C1orf167: variants seen among roughly 807,000 people sequenced by gnomAD.
C1orf167 encodes uncharacterized protein C1orf167.
A neutral mutation model predicts 176.5 loss-of-function variants in C1orf167; 153 were observed. The observed-to-expected ratio is 0.87, with a 90% CI of 0.76 to 0.99. The LOEUF is 0.99. C1orf167 is among the 50% of genes least tolerant of loss of function. The pLI is 0.00. For missense variants in C1orf167, 1,490 were observed against 1,817.7 expected (o/e 0.82, Z 3.28); for synonymous variants, 594 against 752.7 (o/e 0.79, Z 3.45).
At position 11,787,493 on chromosome 1, in the gene C1orf167, A is replaced by G; in HGVS notation, c.3673A>G (p.Arg1225Gly). The G allele has an allele frequency of 7.7e-7, 1 of 1,300,478 alleles. No individual in the cohort carries two copies. The highest frequency in any genetic ancestry group is 1.2e-5 in the South Asian group (1 of 80,692). The allele number at this position is 1,300,478 out of a possible 1,614,324, so 80.6% of individuals were successfully genotyped here. The change falls in exon 17 of 21, where the codon AGG (arginine) becomes GGG (glycine). Residue 1225 changes from arginine (R) to glycine (G), a missense_variant and splice_region_variant. Arg to Gly is a moderately radical substitution (Grantham distance 125). Coordinates refer to ENST00000688073, the MANE Select transcript of C1orf167 (RefSeq NM_001010881.2). The stretch of plus-strand genomic sequence containing the variant: ...GCCAAGGGGAACGGCCTGGGCTCAG[A>G]GTAAGGAGACCTTGCCCCGGGGGAC... ...RKPRGTAWAQ[R>G]CREHSLCPAF...
chr1:11,788,878 A>AG, intron 20 of C1orf167, 132 bp downstream of exon 20: 1 of 661,632 alleles, frequency 1.5e-6, no homozygotes, highest in South Asian at 1.6e-5. Context: ...TTTTCAGGGG[A>AG]GGGGGTCAGT....
intron 1 of C1orf167, among the ~76,000 whole-genome samples, chr1:11,763,903 T>C (rs981086159): frequency 1.3e-5 from 2 of 152,062 alleles, no homozygotes; most frequent in African/African-American, 4.8e-5. Flanking sequence ...GGCTCCAGGA[T>C]TTTTGTTTGA....
chr1:11,765,074 A>AAAAAAAAAAAAAAC, intron 2 of C1orf167, among the ~76,000 whole-genome samples: 1 of 150,916 alleles, frequency 6.6e-6, no homozygotes, highest in African/African-American at 2.4e-5. Flanking sequence ...AAAAAAAAAA[A>AAAAAAAAAAAAAAC]AAAGAAAGCC....
At chr1:11,775,905 C>G (rs1238760288) in intron 9 of C1orf167, among the ~76,000 whole-genome samples, 1 of 152,158 alleles carries the variant, frequency 6.6e-6, no homozygotes, top group South Asian at 2.1e-4. Flanking sequence ...GGATGTGGGC[C>G]CTGCTCTTGG....
At position 11,766,486 on chromosome 1, in the gene C1orf167, C is replaced by T. The variant is rs773063198; in HGVS notation, c.700C>T (p.Arg234Cys). ...TCAGAACCAGACTCAGGCCCCATCC[C>T]GTGCTGCCGTCCACCAGCTGCTGGC... ...PSQNQTQAPSRAAVHQLLASV... is the reference protein window; with the variant it reads ...PSQNQTQAPSCAAVHQLLASV... Residue 234 changes from arginine (R) to cysteine (C), a missense_variant, in exon 3 of 21, where the codon CGT becomes TGT. Physicochemically the swap from Arg to Cys is radical, Grantham distance 180 (BLOSUM62 -3). Transcript: ENST00000688073. This position sits in a 1 kb window ranked among gnomAD's most constrained non-coding sequence, Gnocchi z 4.5. 10 of 1,284,168 alleles carry T rather than the reference C, an allele frequency of 7.8e-6. No homozygotes were observed. The highest frequency in any genetic ancestry group is 9.1e-6 in the Non-Finnish European group (9 of 985,926). 79.5% of individuals were successfully genotyped at this position (1,284,168 alleles called of 1,614,324 possible).
intron 14 of C1orf167, among the ~76,000 whole-genome samples, chr1:11,783,252 T>C (rs1643677139): frequency 6.6e-6 from 1 of 151,790 alleles, no homozygotes; most frequent in Admixed American, 6.5e-5. Context: ...TTTTGTTTGT[T>C]TGTTTGTTTT....
intron 6 of C1orf167, among the ~76,000 whole-genome samples, 179 bp downstream of exon 6, chr1:11,769,306 C>T (rs1642941141): frequency 6.6e-6 from 1 of 152,200 alleles, no homozygotes; most frequent in Non-Finnish European, 1.5e-5. Flanking sequence ...TCAAAACAGC[C>T]AGGCACGGTG....
In C1orf167 at chr1:11,768,391, C is replaced by A; in HGVS notation, c.1542+116C>A. On this transcript the variant is annotated intron_variant, in intron 5 of 20. Coordinates refer to ENST00000688073, the MANE Select transcript of C1orf167 (RefSeq NM_001010881.2). The surrounding 1 kb of genome is among the most constrained non-coding windows in gnomAD (Gnocchi z 4.5). ...GCATAGGTGGCACCTCATGAATGAT[C>A]AGCAGTAAAGGGTGTAGTTGTGAGT... 1 of 928,684 alleles carries A rather than the reference C, an allele frequency of 1.1e-6. No homozygotes were observed. The highest frequency in any genetic ancestry group is 1.5e-6 in the Non-Finnish European group (1 of 688,146). 57.5% of individuals were successfully genotyped at this position (928,684 alleles called of 1,614,324 possible). A position where few individuals can be genotyped will look rare whatever the true frequency, so the allele number is the denominator to read the frequency against.
At position 11,788,850 on chromosome 1, in the gene C1orf167, AG is replaced by A; in HGVS notation, c.4173+105del. The stretch of plus-strand genomic sequence containing the variant: ...CACCGTGGAGCTTTCCCTGCTTGCC[AG>A]CCCCGGGGCCCCTTCGTTTTCAGGG... On this transcript the variant is annotated intron_variant, in intron 20 of 20. Coordinates refer to ENST00000688073, the MANE Select transcript of C1orf167 (RefSeq NM_001010881.2). 4.6e-6 allele frequency: 5 copies of A among 1,087,138 alleles called. No homozygotes were observed. In the South Asian group the frequency reaches 6.8e-5, roughly 15 times the overall value. The allele number at this position is 1,087,138 out of a possible 1,614,324, so 67.3% of individuals were successfully genotyped here. A position where few individuals can be genotyped will look rare whatever the true frequency, so the allele number is the denominator to read the frequency against.
rs1477470753 is a variant in C1orf167, at chr1:11,784,250, C to A, written c.3082C>A (p.Leu1028Met). 1.5e-6 allele frequency: 2 copies of A among 1,299,804 alleles called. No homozygotes were observed. Among genetic ancestry groups the A allele is most frequent in the East Asian group, 5.6e-5 (1 of 17,978 alleles). The allele number at this position is 1,299,804 out of a possible 1,614,324, so 80.5% of individuals were successfully genotyped here. A position where few individuals can be genotyped will look rare whatever the true frequency, so the allele number is the denominator to read the frequency against. The change falls in exon 15 of 21, where the codon CTG becomes ATG. Residue 1028 changes from leucine to methionine, a missense_variant. By Grantham distance (15) the Leu-to-Met change is conservative. Transcript: ENST00000688073. ...CCAGCATCAAGCCTTTCAGGATGGC[C>A]TGAGGAGAAGAGCACTGGGGGCCGT... ...RAQHQAFQDGLRRRALGAVFA... is the reference protein window; with the variant it reads ...RAQHQAFQDGMRRRALGAVFA...
At position 11,768,361 on chromosome 1, in the gene C1orf167, A is replaced by C; in HGVS notation, c.1542+86A>C. 1 of 1,162,852 alleles carries C rather than the reference A, an allele frequency of 8.6e-7. No individual in the cohort carries two copies. Among genetic ancestry groups the C allele is most frequent in the African/African-American group, 1.6e-5 (1 of 63,364 alleles). The allele number at this position is 1,162,852 out of a possible 1,614,324, so 72.0% of individuals were successfully genotyped here. A position where few individuals can be genotyped will look rare whatever the true frequency, so the allele number is the denominator to read the frequency against. ...GACTCAGTCTACGGAGAGGACACCC[A>C]CTGGGCATAGGTGGCACCTCATGAA... is the stretch of plus-strand genomic sequence containing the variant. On this transcript the variant is annotated intron_variant, in intron 5 of 20. Coordinates refer to ENST00000688073, the MANE Select transcript of C1orf167 (RefSeq NM_001010881.2). This position sits in a 1 kb window ranked among gnomAD's most constrained non-coding sequence, Gnocchi z 4.5.
intron 17 of C1orf167, 56 bp downstream of exon 17, chr1:11,787,549 G>T: frequency 8.4e-7 from 1 of 1,183,820 alleles, no homozygotes. Flanking sequence ...GGGTGAAGCG[G>T]TCTCCAGTCC....
intron 8 of C1orf167, among the ~76,000 whole-genome samples, chr1:11,774,107 G>A (rs970558256): frequency 9.2e-5 from 14 of 152,142 alleles, no homozygotes; most frequent in African/African-American, 2.4e-4. Flanking sequence ...TTTTTGCCAC[G>A]TTGCTCAGGC....
chr1:11,788,558 C>A, intron 19 of C1orf167, 94 bp from the exon 20 acceptor site: 1 of 1,168,848 alleles, frequency 8.6e-7, no homozygotes, highest in Non-Finnish European at 1.1e-6. Flanking sequence ...CCCTTTCACT[C>A]TGGTGCAGCA....
chr1:11,788,737 A>AG lies in C1orf167; in HGVS notation c.4166dup (p.Arg1390LysfsTer5). The stretch of plus-strand genomic sequence containing the variant: ...CGAGTGGCTCAGCAGTTACAGCAGC[A>AG]GGAAGATGGGTGGGTCCTTTCCCAG... On this transcript the variant is annotated frameshift_variant, in exon 20 of 21. Coordinates refer to ENST00000688073, the MANE Select transcript of C1orf167 (RefSeq NM_001010881.2). LOFTEE classifies it low-confidence loss of function (END_TRUNC). The AG allele has an allele frequency of 1.5e-6, 2 of 1,304,226 alleles. No individual in the cohort carries two copies. Among genetic ancestry groups the AG allele is most frequent in the African/African-American group, 1.5e-5 (1 of 65,978 alleles). 80.8% of individuals were successfully genotyped at this position (1,304,226 alleles called of 1,614,324 possible).
intron 2 of C1orf167, among the ~76,000 whole-genome samples, chr1:11,764,957 A>G (rs6674634): frequency 0.68 from 102,357 of 150,316 alleles, 35,171 homozygotes; most frequent in Admixed American, 0.77. Flanking sequence ...GGGAGGCTGC[A>G]GCAGGAGAAT....
intron 8 of C1orf167, among the ~76,000 whole-genome samples, 172 bp downstream of exon 8, chr1:11,772,431 AT>A (rs35110327): frequency 0.68 from 102,741 of 151,978 alleles, 35,556 homozygotes; most frequent in East Asian, 0.88. Context: ...CGCACAGCTA[AT>A]TTTTTTGTAT....
chr1:11,768,360 C>A lies in C1orf167; in HGVS notation c.1542+85C>A. 8.6e-7 allele frequency: 1 copy of A among 1,166,020 alleles called. No individual in the cohort carries two copies. The highest frequency in any genetic ancestry group is 1.1e-6 in the Non-Finnish European group (1 of 889,886). The allele number at this position is 1,166,020 out of a possible 1,614,324, so 72.2% of individuals were successfully genotyped here. On this transcript the variant is annotated intron_variant, in intron 5 of 20. Transcript: ENST00000688073. This position sits in a 1 kb window ranked among gnomAD's most constrained non-coding sequence, Gnocchi z 4.5. ...AGACTCAGTCTACGGAGAGGACACC[C>A]ACTGGGCATAGGTGGCACCTCATGA...
rs1290900701 is a variant in C1orf167, at chr1:11,788,728, T to C, written c.4155T>C (p.Val1385=). ...CTGCGACTGCGAGTGGCTCAGCAGTTACAGCAGCAGGAAGATGGGTGGGTC... is the reference window on the plus strand; with the variant it reads ...CTGCGACTGCGAGTGGCTCAGCAGTCACAGCAGCAGGAAGATGGGTGGGTC... ...ADPATASGSA[V]TAAGRWAFKK... The change falls in exon 20 of 21, where the codon GTT becomes GTC. Residue 1385 remains valine, a synonymous_variant. Transcript: ENST00000688073. The C allele has an allele frequency of 3.8e-6, 5 of 1,304,178 alleles. 1 individual carries two copies. In the South Asian group the frequency reaches 6.2e-5, roughly 16 times the overall value. The allele number at this position is 1,304,178 out of a possible 1,614,324, so 80.8% of individuals were successfully genotyped here.
Sources: gnomAD v4.1 joint callset for allele counts (sites outside exome capture counted in the v4.1 genomes callset) on GRCh38, gnomAD v4.1.1 for gene constraint, Gnocchi (gnomAD v3.1) non-coding constraint, MANE v1.5 for transcripts, NCBI Gene and HGNC (gene_info 2026-07-23, HGNC 2026-07-21) for gene names.